Variants in NUP160 observed in about 807,000 individuals in gnomAD.
NUP160 encodes the protein nuclear pore complex protein Nup160.
In NUP160, 94 loss-of-function variants were observed where a neutral mutation model predicts 196.9. The ratio of observed to expected loss-of-function variants is 0.48; its 90% confidence interval spans 0.40 to 0.57. NUP160 has a LOEUF of 0.57. NUP160 is among the 20% of genes least tolerant of loss of function. NUP160 has a pLI of 0.00. For missense variants in NUP160, 1,638 were observed against 1,748.3 expected (o/e 0.94, Z 1.13); for synonymous variants, 605 against 619.7 (o/e 0.98, Z 0.35).
chr11:47,799,184 C>T (rs572944447), intron 23 of NUP160, among the ~76,000 whole-genome samples: 279 of 151,716 alleles, frequency 1.8e-3, no homozygotes, highest in African/African-American at 6.6e-3. Flanking sequence ...CTCCTGGGTT[C>T]AAGTGATTCT....
chr11:47,815,658 G>T lies in NUP160; in HGVS notation c.1516-9C>A. 1 of 1,567,856 alleles carries T rather than the reference G, an allele frequency of 6.4e-7. No homozygotes were observed. Among genetic ancestry groups the T allele is most frequent in the Non-Finnish European group, 8.6e-7 (1 of 1,162,654 alleles). The stretch of plus-strand genomic sequence containing the variant: ...GTTACACTTCCTTGAAGCTGGCAAA[G>T]AAGAAATGAAAGAAATTAAACTTTT... On this transcript the variant is annotated splice_polypyrimidine_tract_variant and intron_variant, in intron 12 of 35. Transcript: ENST00000378460.
At position 47,792,776 on chromosome 11, in the gene NUP160, G is replaced by A. The variant is rs2097668581; in HGVS notation, c.3450+10C>T. On this transcript the variant is annotated intron_variant, in intron 28 of 35. Transcript: ENST00000378460. The stretch of plus-strand genomic sequence containing the variant: ...GAACCCCCAAATTCCAGGATGAAAT[G>A]TTTTCATACCACTGCACCAGACACT... 1 of 1,586,044 alleles carries A rather than the reference G, an allele frequency of 6.3e-7. No individual in the cohort carries two copies. Among genetic ancestry groups the A allele is most frequent in the Non-Finnish European group, 8.6e-7 (1 of 1,166,700 alleles).
chr11:47,807,358 T>C (rs117399779), intron 18 of NUP160, among the ~76,000 whole-genome samples: 2,722 of 152,144 alleles, frequency 0.018, 58 homozygotes, highest in Admixed American at 0.063. Context: ...AACAGGATGG[T>C]TTATCTTATT....
At chr11:47,807,903 A>T (rs960813435) in intron 18 of NUP160, among the ~76,000 whole-genome samples, 1 of 152,236 alleles carries the variant, frequency 6.6e-6, no homozygotes, top group Admixed American at 6.5e-5. Flanking sequence ...TTTCATTCTT[A>T]TAAGTTGCCT....
intron 10 of NUP160, among the ~76,000 whole-genome samples, chr11:47,818,723 A>C (rs1851792183): frequency 6.6e-6 from 1 of 152,164 alleles, no homozygotes; most frequent in African/African-American, 2.4e-5. Flanking sequence ...CCTTCTACTG[A>C]GATGATAAAA....
rs1423915424 is a variant in NUP160, at chr11:47,824,037, A to G, written c.1102-1873T>C. On this transcript the variant is annotated intron_variant, in intron 7 of 35. Coordinates refer to ENST00000378460, the Ensembl canonical transcript of NUP160. ...TATATATATATATATATATATATAT[A>G]TATATATATATATATACACACACAC... 4.2e-3 allele frequency among the ~76,000 whole-genome samples: 532 copies of G among 127,796 alleles called. 8 individuals are homozygous for G. The highest frequency in any genetic ancestry group is 6.7e-3 in the Non-Finnish European group (404 of 60,036). The allele number at this position is 127,796 out of a possible 152,430, so 83.8% of individuals were successfully genotyped here. A position where few individuals can be genotyped will look rare whatever the true frequency, so the allele number is the denominator to read the frequency against.
At chr11:47,791,052 A>C (rs1225993669) in intron 29 of NUP160, among the ~76,000 whole-genome samples, 1 of 152,200 alleles carries the variant, frequency 6.6e-6, no homozygotes, top group Admixed American at 6.6e-5. Flanking sequence ...CTGTACCCAC[A>C]TAAAAGCTGG....
intron 27 of NUP160, among the ~76,000 whole-genome samples, chr11:47,795,134 C>T (rs2097670167): frequency 6.6e-6 from 1 of 151,988 alleles, no homozygotes; most frequent in Non-Finnish European, 1.5e-5. Context: ...TTTTATAATA[C>T]TTTAGTTGCA....
At chr11:47,792,368 A>G (rs2097668380) in intron 28 of NUP160, 1 of 222,468 alleles carries the variant, frequency 4.5e-6, no homozygotes, top group Non-Finnish European at 8.7e-6. Context: ...AACAAACACA[A>G]TAGAAATAAA....
At position 47,813,053 on chromosome 11, in the gene NUP160, A is replaced by G; in HGVS notation, c.1787-6T>C. The G allele has an allele frequency of 6.3e-7, 1 of 1,584,392 alleles. No individual in the cohort carries two copies. The highest frequency in any genetic ancestry group is 2.2e-5 in the East Asian group (1 of 44,756). ...ATCCCGAGCGATGTCCACATCTACA[A>G]ATAAGAGAAAGTTAACATTTATGTC... On this transcript the variant is annotated splice_polypyrimidine_tract_variant and splice_region_variant and intron_variant, in intron 14 of 35. Transcript: ENST00000378460.
At chr11:47,830,411 T>G (rs1280365225) in intron 7 of NUP160, among the ~76,000 whole-genome samples, 1 of 152,170 alleles carries the variant, frequency 6.6e-6, no homozygotes, top group Non-Finnish European at 1.5e-5. Context: ...CAAATGCACA[T>G]GAATGTTCAT....
At chr11:47,832,006 A>G (rs529458113) in intron 7 of NUP160, among the ~76,000 whole-genome samples, 1 of 143,560 alleles carries the variant, frequency 7.0e-6, no homozygotes, top group South Asian at 2.2e-4. Flanking sequence ...GGTTCAAACC[A>G]TTCTCCTGCC....
At chr11:47,832,122 G>T (rs188344009) in intron 7 of NUP160, among the ~76,000 whole-genome samples, 1 of 151,602 alleles carries the variant, frequency 6.6e-6, no homozygotes, top group Non-Finnish European at 1.5e-5. Flanking sequence ...GGAGGGTCTC[G>T]ATCTCCTGAC....
intron 35 of NUP160, chr11:47,779,446 T>TCG: frequency 2.0e-6 from 1 of 488,618 alleles, no homozygotes; most frequent in Non-Finnish European, 3.8e-6. Flanking sequence ...CGTACCAGTA[T>TCG]TTCTAATAAA....
intron 9 of NUP160, chr11:47,820,164 G>C (rs1851825879): frequency 6.6e-6 from 1 of 152,102 alleles, no homozygotes; most frequent in African/African-American, 2.4e-5. Flanking sequence ...ATGTTTCAGG[G>C]GTTAGACAAG....
intron 20 of NUP160, among the ~76,000 whole-genome samples, chr11:47,805,668 G>C (rs2097677099): frequency 6.6e-6 from 1 of 151,086 alleles, no homozygotes. Context: ...GGATGGTCTC[G>C]ATCTCCTGAC....
intron 35 of NUP160, among the ~76,000 whole-genome samples, chr11:47,779,789 G>A (rs2097659601): frequency 6.6e-6 from 1 of 152,110 alleles, no homozygotes; most frequent in Non-Finnish European, 1.5e-5. Flanking sequence ...GTGCGGTGGT[G>A]CAATCTTGGC....
exon 35 of NUP160, chr11:47,780,346 G>A (rs748899089): frequency 7.5e-6 from 12 of 1,608,188 alleles, no homozygotes; most frequent in South Asian, 5.5e-5. Context: ...GACTTACTGC[G>A]ATGTTGTGAC....
chr11:47,798,011 A>T, exon 26 of NUP160: 1 of 1,581,388 alleles, frequency 6.3e-7, no homozygotes, highest in African/African-American at 1.4e-5. Context: ...GAAACTCTAC[A>T]AGATCCTGTA....
Sources: gnomAD v4.1 joint callset for allele counts (sites outside exome capture counted in the v4.1 genomes callset) on GRCh38, gnomAD v4.1.1 for gene constraint, MANE v1.5 for transcripts, NCBI Gene and HGNC (gene_info 2026-07-23, HGNC 2026-07-21) for gene names.